SPNS3: variants seen among roughly 807,000 people sequenced by gnomAD.
The protein encoded by SPNS3 is protein spinster homolog 3.
SPNS3 carries 51 observed loss-of-function variants against 54.4 expected under a neutral mutation model. The observed-to-expected ratio is 0.94, with a 90% CI of 0.75 to 1.18. The LOEUF is 1.18. SPNS3 is among the 50% of genes most tolerant of loss of function. SPNS3 has a pLI of 0.00. For synonymous variants in SPNS3, 309 were observed against 294.7 expected (o/e 1.05, Z -0.50); for missense variants, 669 against 677.4 (o/e 0.99, Z 0.14).
At chr17:4,469,792 G>A (rs1027435528) in intron 8 of SPNS3, among the ~76,000 whole-genome samples, 3 of 152,098 alleles carry the variant, frequency 2.0e-5, no homozygotes, top group African/African-American at 4.8e-5. Flanking sequence ...CTGTGAATGC[G>A]CAGTGCTACC....
chr17:4,453,147 C>T lies in SPNS3; in HGVS notation c.1055C>T (p.Thr352Ile), dbSNP rs139509548. ...ATCTGCGCCTCCAGCCTGCTTGCCA[C>T]AGCCCCCTGCCTCTACCTGGCTCTC... Reference protein sequence around the residue: ...PLICASSLLATAPCLYLALVL... With the variant: ...PLICASSLLAIAPCLYLALVL... Residue 352 changes from threonine (T) to isoleucine (I), a missense_variant, in exon 8 of 12, where the codon ACA becomes ATA. Physicochemically the swap from Thr to Ile is moderately conservative, Grantham distance 89. Coordinates refer to ENST00000355530, the MANE Select transcript of SPNS3 (RefSeq NM_182538.5). The T allele has an allele frequency of 8.2e-4, 1,327 of 1,614,042 alleles. 3 individuals are homozygous for T. The highest frequency in any genetic ancestry group is 1.1e-3 in the Non-Finnish European group (1,271 of 1,179,982).
At chr17:4,458,147 C>T (rs535684696) in intron 8 of SPNS3, among the ~76,000 whole-genome samples, 3 of 152,124 alleles carry the variant, frequency 2.0e-5, no homozygotes, top group Non-Finnish European at 4.4e-5. Context: ...CCCTCCTCTC[C>T]GTCCTCTCTG....
chr17:4,440,291 T>C (rs906990435), intron 2 of SPNS3, among the ~76,000 whole-genome samples: 1 of 152,086 alleles, frequency 6.6e-6, no homozygotes, highest in African/African-American at 2.4e-5. Context: ...GCCTGGATGG[T>C]GACACACACC....
rs1432180187 is a variant in SPNS3 at position 4,444,938 on chromosome 17, G to A, written c.266-94G>A. 3.5e-6 allele frequency: 5 copies of A among 1,439,682 alleles called. No homozygotes were observed. The East Asian group carries it at 9.2e-5, about 27-fold the overall frequency. The allele number at this position is 1,439,682 out of a possible 1,614,324, so 89.2% of individuals were successfully genotyped here. On this transcript the variant is annotated intron_variant, in intron 2 of 11. Coordinates refer to ENST00000355530, the MANE Select transcript of SPNS3 (RefSeq NM_182538.5). Reference sequence around the variant, plus strand: ...CCCACTGCCAAGATGCCAGCTTGTGGCATCTGAGTCAGGCTCCTTCCCTGG... The same window carrying A: ...CCCACTGCCAAGATGCCAGCTTGTGACATCTGAGTCAGGCTCCTTCCCTGG...
At chr17:4,435,905 C>T (rs1970706086) in intron 1 of SPNS3, among the ~76,000 whole-genome samples, 1 of 152,226 alleles carries the variant, frequency 6.6e-6, no homozygotes, top group African/African-American at 2.4e-5. Flanking sequence ...GCACTCCAGC[C>T]TGGGCGACAG....
chr17:4,476,391 GGTGTATTT>G (rs1253303255), intron 8 of SPNS3, among the ~76,000 whole-genome samples: 2 of 152,152 alleles, frequency 1.3e-5, no homozygotes, highest in African/African-American at 4.8e-5. Context: ...GGAAGGAAAG[GGTGTATTT>G]CAGCATGTCC....
chr17:4,459,619 A>G (rs1018167868), intron 8 of SPNS3, among the ~76,000 whole-genome samples: 1 of 152,160 alleles, frequency 6.6e-6, no homozygotes, highest in African/African-American at 2.4e-5. Context: ...AGGCTGAGGC[A>G]GGAGAATCGC....
At chr17:4,478,359 G>C (rs531568198) in intron 8 of SPNS3, among the ~76,000 whole-genome samples, 2 of 152,116 alleles carry the variant, frequency 1.3e-5, no homozygotes, top group South Asian at 2.1e-4. Flanking sequence ...CCAGGGGCTG[G>C]ACACTCGCTT....
At chr17:4,450,603 TA>T (rs1341233157) in intron 7 of SPNS3, among the ~76,000 whole-genome samples, 3 of 150,184 alleles carry the variant, frequency 2.0e-5, no homozygotes, top group African/African-American at 5.0e-5. Flanking sequence ...TTATTTTATT[TA>T]TTTTTTTTTG....
At chr17:4,471,380 A>C (rs1567571482) in intron 8 of SPNS3, among the ~76,000 whole-genome samples, 1 of 152,130 alleles carries the variant, frequency 6.6e-6, no homozygotes, top group African/African-American at 2.4e-5. Context: ...ATGATTAAGG[A>C]GTTTTTATCT....
At chr17:4,463,210 C>T (rs1175437375) in intron 8 of SPNS3, among the ~76,000 whole-genome samples, 2 of 151,854 alleles carry the variant, frequency 1.3e-5, no homozygotes, top group South Asian at 4.2e-4. Context: ...CCAGCCTGGC[C>T]AACATGGTGA....
chr17:4,458,451 TTTC>T lies in SPNS3; in HGVS notation c.1113+5252_1113+5254del, dbSNP rs747177254. On this transcript the variant is annotated intron_variant, in intron 8 of 11. Transcript: ENST00000355530. ...CTTTCCTTCCTCCCTCCCTCCCTTC[TTTC>T]TTCTTTCTTTCTTTCCATTTTCTTT... is the stretch of plus-strand genomic sequence containing the variant. Among the ~76,000 whole-genome samples, 141 of 95,424 alleles carry T rather than the reference TTTC, an allele frequency of 1.5e-3. 8 individuals are homozygous for T. The highest frequency in any genetic ancestry group is 4.7e-3 in the Middle Eastern group (1 of 214). 62.6% of individuals were successfully genotyped at this position (95,424 alleles called of 152,430 possible).
At chr17:4,450,929 C>G (rs975589216) in intron 7 of SPNS3, among the ~76,000 whole-genome samples, 1 of 151,942 alleles carries the variant, frequency 6.6e-6, no homozygotes, top group Non-Finnish European at 1.5e-5. Context: ...TCCTTAAGGG[C>G]TCTCTTGGCT....
In SPNS3 at chr17:4,445,602, C is replaced by G. The variant is rs530688546; in HGVS notation, c.402+434C>G. On this transcript the variant is annotated intron_variant, in intron 3 of 11. Coordinates refer to ENST00000355530, the MANE Select transcript of SPNS3 (RefSeq NM_182538.5). ...ATGTGGGCCAGGCTGGTCTCGAACT[C>G]CCAGCCTCAGGTGATCCACCCACCT... Among the ~76,000 whole-genome samples, 52 of 152,216 alleles carry G rather than the reference C, an allele frequency of 3.4e-4. 1 individual carries two copies. Among genetic ancestry groups the G allele is most frequent in the Non-Finnish European group, 5.7e-4 (39 of 68,008 alleles).
intron 1 of SPNS3, among the ~76,000 whole-genome samples, chr17:4,435,236 A>G (rs1201818883): frequency 1.3e-5 from 2 of 152,004 alleles, no homozygotes; most frequent in African/African-American, 2.4e-5. Flanking sequence ...CAGCCTGGGC[A>G]ACATGGTGAA....
rs145458541 is a variant in SPNS3 at position 4,451,868 on chromosome 17, G to A, written c.924-1148G>A. Among the ~76,000 whole-genome samples the A allele has an allele frequency of 5.7e-3, 861 of 150,200 alleles. 8 individuals carry two copies. The highest frequency in any genetic ancestry group is 0.02 in the African/African-American group (798 of 40,674). On this transcript the variant is annotated intron_variant, in intron 7 of 11. Transcript: ENST00000355530. ...ATTTTTTTTTTTTTTTAGTAGAGACGGGGTTTTGCTGTATCGGCCAGGCTG... is the reference window on the plus strand; with the variant it reads ...ATTTTTTTTTTTTTTTAGTAGAGACAGGGTTTTGCTGTATCGGCCAGGCTG...
chr17:4,477,488 C>CT (rs5818957), intron 8 of SPNS3, among the ~76,000 whole-genome samples: 41,999 of 151,356 alleles, frequency 0.28, 7,417 homozygotes, highest in South Asian at 0.43. Context: ...AAATGAGACT[C>CT]TTTTTTTCTC....
chr17:4,452,352 C>G (rs542618270), intron 7 of SPNS3, among the ~76,000 whole-genome samples: 1 of 151,998 alleles, frequency 6.6e-6, no homozygotes, highest in Non-Finnish European at 1.5e-5. Flanking sequence ...TCCTGGGGAG[C>G]CTTTGTGGAG....
At chr17:4,458,630 T>TTTTCC (rs1971407414) in intron 8 of SPNS3, among the ~76,000 whole-genome samples, 1 of 137,078 alleles carries the variant, frequency 7.3e-6, no homozygotes, top group South Asian at 2.3e-4. Flanking sequence ...TCTTTCTTTC[T>TTTTCC]TTCTTTCTTT....
Sources: gnomAD v4.1 joint callset for allele counts (sites outside exome capture counted in the v4.1 genomes callset) on GRCh38, gnomAD v4.1.1 for gene constraint, MANE v1.5 for transcripts, NCBI Gene and HGNC (gene_info 2026-07-23, HGNC 2026-07-21) for gene names.